The following TOX variants were observed in gnomAD, a reference collection of about 807,000 sequenced individuals.
TOX encodes the protein thymocyte selection-associated high mobility group box protein TOX.
In TOX, 11 loss-of-function variants were observed where a neutral mutation model predicts 53.7. The observed-to-expected ratio is 0.20, with a 90% CI of 0.13 to 0.34. The LOEUF (loss-of-function observed/expected upper bound fraction) is 0.34. Ranked by LOEUF, TOX falls within the 10% of genes least tolerant of loss-of-function variation. The pLI is 1.00. For missense variants in TOX, 570 were observed against 664.6 expected (o/e 0.86, Z 1.56); for synonymous variants, 225 against 245.3 (o/e 0.92, Z 0.77).
chr8:58,953,286 C>T (rs1228200712), intron 2 of TOX, among the ~76,000 whole-genome samples: 1 of 152,166 alleles, frequency 6.6e-6, no homozygotes, highest in Non-Finnish European at 1.5e-5. Context: ...AGTATCCATA[C>T]AGCTCTTAAG....
At chr8:59,071,071 A>G (rs1586001453) in intron 1 of TOX, among the ~76,000 whole-genome samples, 1 of 152,182 alleles carries the variant, frequency 6.6e-6, no homozygotes, top group East Asian at 1.9e-4. Context: ...TTTGGTGTAA[A>G]TATTTTGTTG....
At chr8:59,054,117 A>C (rs1803842119) in intron 1 of TOX, among the ~76,000 whole-genome samples, 1 of 152,216 alleles carries the variant, frequency 6.6e-6, no homozygotes, top group African/African-American at 2.4e-5. Context: ...ATGGCCAAAA[A>C]GATCTAATAA....
chr8:58,960,769 C>A (rs1313647475), intron 1 of TOX, among the ~76,000 whole-genome samples: 6 of 152,192 alleles, frequency 3.9e-5, no homozygotes, highest in Admixed American at 3.3e-4. Context: ...ACAACAATAA[C>A]AACAACAAAA....
At chr8:58,848,756 T>C (rs1168249524) in intron 4 of TOX, among the ~76,000 whole-genome samples, 2 of 152,104 alleles carry the variant, frequency 1.3e-5, no homozygotes, top group Non-Finnish European at 2.9e-5. Context: ...GCGGGTAGTG[T>C]TTATAAGGTG....
chr8:58,873,793 C>T (rs1487252644), intron 3 of TOX, among the ~76,000 whole-genome samples: 1 of 151,772 alleles, frequency 6.6e-6, no homozygotes, highest in Non-Finnish European at 1.5e-5. Flanking sequence ...TACTTTCAAT[C>T]TTTGCTCATG....
intron 1 of TOX, among the ~76,000 whole-genome samples, chr8:59,111,020 T>C (rs983687587): frequency 6.6e-6 from 1 of 152,176 alleles, no homozygotes; most frequent in Non-Finnish European, 1.5e-5. Flanking sequence ...TAAGTCTTCT[T>C]TGATACAAAT....
chr8:58,922,518 A>G (rs911683801), intron 3 of TOX, among the ~76,000 whole-genome samples: 1 of 152,112 alleles, frequency 6.6e-6, no homozygotes, highest in Non-Finnish European at 1.5e-5. Context: ...GATAGGTGTT[A>G]CACACACACA....
intron 3 of TOX, among the ~76,000 whole-genome samples, chr8:58,881,776 T>C (rs1046867446): frequency 6.6e-6 from 1 of 150,626 alleles, no homozygotes; most frequent in African/African-American, 2.4e-5. Context: ...AAGTCTAGTT[T>C]AGGAAAGGTG....
Position 59,117,150 on chromosome 8 carries a change from T to C in TOX, c.102+1736A>G, listed in dbSNP as rs1447038338. ...GTTCTGAGCTTTTGGTTCCGGTAACTACAGTGGAATAAGTCTTTACTCTCC... is the reference window on the plus strand; with the variant it reads ...GTTCTGAGCTTTTGGTTCCGGTAACCACAGTGGAATAAGTCTTTACTCTCC... On this transcript the variant is annotated intron_variant, in intron 1 of 8. Coordinates refer to ENST00000361421, the MANE Select transcript of TOX (RefSeq NM_014729.3). The surrounding 1 kb of genome is among the most constrained non-coding windows in gnomAD (Gnocchi z 4.6). 6.6e-6 allele frequency among the ~76,000 whole-genome samples: 1 copy of C among 152,214 alleles called. No individual in the cohort carries two copies. Among genetic ancestry groups the C allele is most frequent in the Non-Finnish European group, 1.5e-5 (1 of 68,028 alleles).
At chr8:58,903,170 G>C (rs1811757396) in intron 3 of TOX, among the ~76,000 whole-genome samples, 4 of 152,180 alleles carry the variant, frequency 2.6e-5, no homozygotes, top group Admixed American at 6.5e-5. Flanking sequence ...AATTAACACA[G>C]ACCCTGGAGA....
At chr8:58,957,889 G>T (rs532726480) in intron 2 of TOX, among the ~76,000 whole-genome samples, 139 of 152,066 alleles carry the variant, frequency 9.1e-4, no homozygotes, top group African/African-American at 3.3e-3. Flanking sequence ...TTCCCTAAAA[G>T]AATACCAGGT....
chr8:59,015,120 G>T (rs79225379), intron 1 of TOX, among the ~76,000 whole-genome samples: 1,976 of 152,276 alleles, frequency 0.013, 32 homozygotes, highest in South Asian at 0.071. Context: ...GTCAACAGTG[G>T]TTACTAATTA....
rs1208669535 is a variant in TOX, at chr8:58,896,705, AAAATAAAAAC to A, written c.411+42587_411+42596del. 4.8e-3 allele frequency among the ~76,000 whole-genome samples: 473 copies of A among 98,840 alleles called. 1 individual carries two copies. Among genetic ancestry groups the A allele is most frequent in the African/African-American group, 0.018 (447 of 25,084 alleles). The allele number at this position is 98,840 out of a possible 152,430, so 64.8% of individuals were successfully genotyped here. On this transcript the variant is annotated intron_variant, in intron 3 of 8. Transcript: ENST00000361421. Reference sequence around the variant, plus strand: ...AAAATAAAATAAAATAAAATAAAATAAAATAAAAACAAAAAATCCTTTTCACCTTAAGGGA... The same window carrying A: ...AAAATAAAATAAAATAAAATAAAATAAAAAAATCCTTTTCACCTTAAGGGA...
chr8:59,019,976 C>T (rs1475380152), intron 1 of TOX, among the ~76,000 whole-genome samples: 9 of 152,136 alleles, frequency 5.9e-5, no homozygotes, highest in Admixed American at 5.9e-4. Flanking sequence ...ATACTATATA[C>T]TTACAACTGC....
At chr8:58,940,879 AT>A (rs1004017989) in intron 2 of TOX, among the ~76,000 whole-genome samples, 3 of 152,192 alleles carry the variant, frequency 2.0e-5, no homozygotes, top group African/African-American at 7.2e-5. Context: ...GTTTTGATAT[AT>A]TTGTTTAGGT....
chr8:58,874,461 G>A (rs754279514), intron 3 of TOX, among the ~76,000 whole-genome samples: 5 of 152,110 alleles, frequency 3.3e-5, no homozygotes, highest in East Asian at 1.9e-4. Flanking sequence ...TTCTGGATTC[G>A]CCTACTTGAA....
At chr8:58,825,378 A>G (rs1810348358) in intron 6 of TOX, among the ~76,000 whole-genome samples, 1 of 152,254 alleles carries the variant, frequency 6.6e-6, no homozygotes, top group Admixed American at 6.5e-5. Context: ...GGCAATTCGC[A>G]GCATTTATAC....
At chr8:58,967,166 A>G (rs1812920054) in intron 1 of TOX, among the ~76,000 whole-genome samples, 2 of 151,734 alleles carry the variant, frequency 1.3e-5, no homozygotes, top group African/African-American at 2.4e-5. Context: ...GAGCCACCAC[A>G]CCCGGCCAAG....
chr8:59,011,901 G>C (rs1486794107), intron 1 of TOX, among the ~76,000 whole-genome samples: 2 of 152,088 alleles, frequency 1.3e-5, no homozygotes, highest in East Asian at 1.9e-4. Flanking sequence ...CCACATCATG[G>C]GGACAGAAAT....
Sources: allele counts gnomAD v4.1 joint callset (sites outside exome capture counted in the v4.1 genomes callset), GRCh38; gene constraint gnomAD v4.1.1; non-coding constraint Gnocchi (gnomAD v3.1); transcripts MANE v1.5; gene names NCBI Gene and HGNC (gene_info 2026-07-23, HGNC 2026-07-21).